PKP2: variants seen among roughly 807,000 people sequenced by gnomAD.
PKP2 encodes plakophilin 2.
In PKP2, 73 loss-of-function variants were observed where a neutral mutation model predicts 83.4. The observed-to-expected ratio is 0.88, with a 90% CI of 0.72 to 1.06. The LOEUF (loss-of-function observed/expected upper bound fraction) is 1.06, where lower values mean the gene tolerates loss of function less well. PKP2 is among the 50% of genes least tolerant of loss of function. The pLI is 0.00. For missense variants in PKP2, 966 were observed against 1,065.4 expected, an observed-to-expected ratio of 0.91 and a Z score of 1.30; for synonymous variants, 409 against 430.4, an observed-to-expected ratio of 0.95 and a Z score of 0.62.
intron 4 of PKP2, among the ~76,000 whole-genome samples, chr12:32,860,911 C>G (rs1414050273): frequency 1.3e-5 from 2 of 151,950 alleles, no homozygotes; most frequent in Non-Finnish European, 2.9e-5. Flanking sequence ...GCCTGTAATC[C>G]CAGCTACTTG....
intron 9 of PKP2, among the ~76,000 whole-genome samples, chr12:32,814,362 T>C (rs1021956203): frequency 1.3e-5 from 2 of 152,098 alleles, no homozygotes; most frequent in Non-Finnish European, 2.9e-5. Context: ...CTTCCATACA[T>C]CAGCCACTCA....
At chr12:32,824,597 A>G (rs1419938138) in intron 6 of PKP2, among the ~76,000 whole-genome samples, 1 of 152,234 alleles carries the variant, frequency 6.6e-6, no homozygotes, top group Non-Finnish European at 1.5e-5. Flanking sequence ...CCTCACTTGT[A>G]AAGACAGTGT....
rs1051157891 is a variant in PKP2 at position 32,845,508 on chromosome 12, T to C, written c.1379-4303A>G. Among the ~76,000 whole-genome samples the C allele has an allele frequency of 3.9e-5, 6 of 152,216 alleles. 1 individual carries two copies. The highest frequency in any genetic ancestry group is 1.2e-4 in the African/African-American group (5 of 41,556). On this transcript the variant is annotated intron_variant, in intron 5 of 12. Coordinates refer to ENST00000340811, the MANE Select transcript of PKP2 (RefSeq NM_001005242.3). The stretch of plus-strand genomic sequence containing the variant: ...CGGAGCTTGCAGTGAGCCGAGATCA[T>C]GCCACTGTACTCCAGCCTCGGCAAC...
At chr12:32,829,090 C>T (rs985108670) in intron 6 of PKP2, among the ~76,000 whole-genome samples, 5 of 152,076 alleles carry the variant, frequency 3.3e-5, no homozygotes, top group East Asian at 1.9e-4. Context: ...CATGCACTGC[C>T]GAGCCCAGCT....
At chr12:32,887,997 A>G (rs1447748461) in intron 1 of PKP2, among the ~76,000 whole-genome samples, 1 of 152,002 alleles carries the variant, frequency 6.6e-6, no homozygotes, top group East Asian at 1.9e-4. Flanking sequence ...CTGGGCAAAA[A>G]GGCAAAACCC....
chr12:32,814,060 T>C (rs1956299840), intron 9 of PKP2, among the ~76,000 whole-genome samples: 1 of 152,168 alleles, frequency 6.6e-6, no homozygotes, highest in Non-Finnish European at 1.5e-5. Flanking sequence ...ACACCACTCC[T>C]GTATCCTGGG....
chr12:32,858,314 A>G (rs958768921), intron 4 of PKP2, among the ~76,000 whole-genome samples: 4 of 150,422 alleles, frequency 2.7e-5, no homozygotes, highest in Non-Finnish European at 5.9e-5. Context: ...AAACAAACAA[A>G]CAAAACGCCC....
intron 3 of PKP2, 60 bp from the exon 4 acceptor site, chr12:32,869,122 C>T (rs1956876564): frequency 5.0e-6 from 8 of 1,600,930 alleles, no homozygotes; most frequent in Non-Finnish European, 6.8e-6. Context: ...GCCTACCAAC[C>T]TGGTCCTCCA....
intron 5 of PKP2, 54 bp from the exon 6 acceptor site, chr12:32,841,259 C>G (rs190640544): frequency 4.7e-6 from 7 of 1,480,772 alleles, no homozygotes; most frequent in East Asian, 2.3e-5. Flanking sequence ...CCAAAATGAC[C>G]GCTGAAAAGT....
At chr12:32,841,436 C>T (rs972981775) in intron 5 of PKP2, among the ~76,000 whole-genome samples, 6 of 152,138 alleles carry the variant, frequency 3.9e-5, no homozygotes, top group African/African-American at 1.2e-4. Context: ...ACAAACTGTG[C>T]AGGTTTAAAC....
intron 6 of PKP2, among the ~76,000 whole-genome samples, chr12:32,838,531 T>A (rs1592745169): frequency 6.6e-6 from 1 of 152,126 alleles, no homozygotes; most frequent in African/African-American, 2.4e-5. Context: ...ATCGCCACTA[T>A]CTGGCTTTAG....
In PKP2 at chr12:32,868,063, G is replaced by A. The variant is rs11052281; in HGVS notation, c.1170+864C>T. Reference sequence around the variant, plus strand: ...AAAAAGTTGCAAAACCCTTGCCTCTGGGGATGGTTCTAAATGGAGAGGTTG... The same window carrying A: ...AAAAAGTTGCAAAACCCTTGCCTCTAGGGATGGTTCTAAATGGAGAGGTTG... On this transcript the variant is annotated intron_variant, in intron 4 of 12. Transcript: ENST00000340811. 4.4e-3 allele frequency among the ~76,000 whole-genome samples: 667 copies of A among 152,340 alleles called. 5 individuals carry two copies. Among genetic ancestry groups the A allele is most frequent in the African/African-American group, 0.015 (635 of 41,580 alleles).
chr12:32,838,431 G>A (rs931743550), intron 6 of PKP2, among the ~76,000 whole-genome samples: 12 of 151,392 alleles, frequency 7.9e-5, no homozygotes, highest in African/African-American at 2.2e-4. Context: ...TCGGCATCAC[G>A]CAATGTACCT....
At chr12:32,856,048 A>G (rs1195076299) in intron 4 of PKP2, among the ~76,000 whole-genome samples, 3 of 151,956 alleles carry the variant, frequency 2.0e-5, no homozygotes, top group Non-Finnish European at 4.4e-5. Flanking sequence ...AGAGAACAAA[A>G]CCAAAATGAT....
rs146693717 is a variant in PKP2 at position 32,840,795 on chromosome 12, C to T, written c.1556+233G>A. ...TGTGTAGGCCGGGCACGGTGGCTCA[C>T]GCCTATAATCCCAGCACTTCGGGAG... On this transcript the variant is annotated intron_variant, in intron 6 of 12. Coordinates refer to ENST00000340811, the MANE Select transcript of PKP2 (RefSeq NM_001005242.3). Among the ~76,000 whole-genome samples, 830 of 152,140 alleles carry T rather than the reference C, an allele frequency of 5.5e-3. 8 individuals are homozygous for T. The highest frequency in any genetic ancestry group is 0.019 in the African/African-American group (806 of 41,502).
rs1369115776 is a variant in PKP2 at position 32,792,102 on chromosome 12, CA to C, written c.*321del. 3 of 384,578 alleles carry C rather than the reference CA, an allele frequency of 7.8e-6. No individual in the cohort carries two copies. The highest frequency in any genetic ancestry group is 1.5e-5 in the Non-Finnish European group (3 of 205,952). 23.8% of individuals were successfully genotyped at this position (384,578 alleles called of 1,614,324 possible). A position where few individuals can be genotyped will look rare whatever the true frequency, so the allele number is the denominator to read the frequency against. On this transcript the variant is annotated 3_prime_UTR_variant, in exon 13 of 13. Transcript: ENST00000340811. ...AACTTTTAAAATCCCAGTAATGCAACAGCTTCTTTCCTTATTTATTGGATTA... is the reference window on the plus strand; with the variant it reads ...AACTTTTAAAATCCCAGTAATGCAACGCTTCTTTCCTTATTTATTGGATTA...
At chr12:32,795,377 C>CT (rs562977029) in intron 11 of PKP2, among the ~76,000 whole-genome samples, 8,077 of 142,862 alleles carry the variant, frequency 0.057, 528 homozygotes, top group African/African-American at 0.16. Flanking sequence ...GCTGCTGCTG[C>CT]TTTTTTTTTT....
At chr12:32,819,104 C>T (rs968004437) in intron 9 of PKP2, among the ~76,000 whole-genome samples, 1 of 151,784 alleles carries the variant, frequency 6.6e-6, no homozygotes, top group Admixed American at 6.6e-5. Context: ...ATGGTGAAAC[C>T]TCATCTCTAC....
In PKP2 at chr12:32,850,822, C is replaced by G. The variant is rs753912985; in HGVS notation, c.1322G>C (p.Arg441Pro). Residue 441 changes from arginine (R) to proline (P), a missense_variant, in exon 5 of 13, where the codon CGG becomes CCG. Coordinates refer to ENST00000340811, the MANE Select transcript of PKP2 (RefSeq NM_001005242.3). The part of the protein sequence containing the change: ...LEVAELNGVP[R>P]LLQVLKQTRD... Reference sequence around the variant, plus strand: ...GGTTTGCTTCAGCACCTGGAGCAGCCGAGGTACCCCATTTAGTTCAGCCAC... The same window carrying G: ...GGTTTGCTTCAGCACCTGGAGCAGCGGAGGTACCCCATTTAGTTCAGCCAC... 3.1e-6 allele frequency: 5 copies of G among 1,613,498 alleles called. No individual in the cohort carries two copies. Among genetic ancestry groups the G allele is most frequent in the Non-Finnish European group, 4.2e-6 (5 of 1,179,870 alleles).
Sources: gnomAD v4.1 joint callset for allele counts (sites outside exome capture counted in the v4.1 genomes callset) on GRCh38, gnomAD v4.1.1 for gene constraint, MANE v1.5 for transcripts, NCBI Gene and HGNC (gene_info 2026-07-23, HGNC 2026-07-21) for gene names.